Variants in SIMC1 observed in about 807,000 individuals in gnomAD.
SIMC1 encodes the protein SUMO-interacting motif-containing protein 1.
Under a neutral mutation model 82.3 loss-of-function variants are expected in SIMC1, and 55 were observed. The ratio of observed to expected loss-of-function variants is 0.67; its 90% CI spans 0.54 to 0.84. The LOEUF (loss-of-function observed/expected upper bound fraction) is 0.84. Among genes scored for constraint, SIMC1 ranks in the 40% least tolerant of loss-of-function variants. The pLI, the probability that SIMC1 is intolerant of heterozygous loss-of-function variation, is 0.00. For synonymous variants in SIMC1, 353 were observed against 426.3 expected (o/e 0.83, Z 2.12); for missense variants, 915 against 1,107.2 (o/e 0.83, Z 2.46).
Position 176,243,765 on chromosome 5 carries a change from C to T in SIMC1, c.129+5128C>T, listed in dbSNP as rs1315178739. Reference sequence around the variant, plus strand: ...AGATCTCCTGACCTCATGATCCACCCGCCTCGGCCTCCCAAAGTGCTGGGA... The same window carrying T: ...AGATCTCCTGACCTCATGATCCACCTGCCTCGGCCTCCCAAAGTGCTGGGA... On this transcript the variant is annotated intron_variant, in intron 1 of 9. Coordinates refer to ENST00000429602, the MANE Select transcript of SIMC1 (RefSeq NM_001308195.2). 6.6e-5 allele frequency among the ~76,000 whole-genome samples: 10 copies of T among 152,210 alleles called. No individual in the cohort carries two copies. The East Asian group carries it at 1.2e-3, about 18-fold the overall frequency.
At chr5:176,284,067 A>T (rs1763145382) in intron 1 of SIMC1, among the ~76,000 whole-genome samples, 1 of 152,240 alleles carries the variant, frequency 6.6e-6, no homozygotes, top group Admixed American at 6.5e-5. Flanking sequence ...CTCCCACACA[A>T]TAATAATGGG....
chr5:176,255,543 C>T (rs1402202195), intron 1 of SIMC1, among the ~76,000 whole-genome samples: 1 of 149,568 alleles, frequency 6.7e-6, no homozygotes, highest in Non-Finnish European at 1.5e-5. Flanking sequence ...GATCGTGCCA[C>T]TGCACTCCAG....
chr5:176,313,838 A>G lies in SIMC1; in HGVS notation c.1882A>G (p.Asn628Asp), dbSNP rs1220101467. ...GCTTTCCTGTGACAAGCAGCCCCACAATGTCAGGTAAGCAGCCACCTGAGC... is the reference window on the plus strand; with the variant it reads ...GCTTTCCTGTGACAAGCAGCCCCACGATGTCAGGTAAGCAGCCACCTGAGC... ...MVLSCDKQPH[N>D]VRDVIKWLVK... Residue 628 changes from asparagine to aspartate, a missense_variant, in exon 5 of 10, where the codon AAT (asparagine) becomes GAT (aspartate). Asn to Asp is a conservative substitution (Grantham distance 23, BLOSUM62 1). This residue lies in a region of SIMC1 where 902 missense variants were observed against 1,040.3 expected (regional missense o/e 0.87). Transcript: ENST00000429602. 5 of 1,613,384 alleles carry G rather than the reference A, an allele frequency of 3.1e-6. No individual in the cohort carries two copies. The South Asian group carries it at 3.3e-5, about 11-fold the overall frequency.
At chr5:176,274,012 A>G (rs1762567659) in intron 1 of SIMC1, among the ~76,000 whole-genome samples, 1 of 150,128 alleles carries the variant, frequency 6.7e-6, no homozygotes, top group Admixed American at 6.7e-5. Context: ...TCCTTTGGGT[A>G]TATACCCAGT....
At chr5:176,323,856 C>T (rs1243915776) in intron 6 of SIMC1, among the ~76,000 whole-genome samples, 2 of 152,034 alleles carry the variant, frequency 1.3e-5, no homozygotes, top group African/African-American at 4.8e-5. Flanking sequence ...GGCATGGTGG[C>T]GGGCACCTGT....
intron 1 of SIMC1, among the ~76,000 whole-genome samples, chr5:176,264,623 A>G (rs915797388): frequency 6.6e-6 from 1 of 151,538 alleles, no homozygotes; most frequent in African/African-American, 2.4e-5. Context: ...TTTCTTCTGC[A>G]AGTGGTTGCT....
intron 3 of SIMC1, 81 bp from the exon 4 acceptor site, chr5:176,296,170 T>G (rs1763805561): frequency 6.3e-7 from 1 of 1,597,344 alleles, no homozygotes; most frequent in African/African-American, 1.3e-5. Flanking sequence ...GGAAGAGGCT[T>G]CTTCCTTCTA....
chr5:176,328,627 C>T (rs1765495474), intron 7 of SIMC1, among the ~76,000 whole-genome samples: 1 of 151,666 alleles, frequency 6.6e-6, no homozygotes. Flanking sequence ...TAATGGAACA[C>T]TGGGCATAAA....
intron 5 of SIMC1, among the ~76,000 whole-genome samples, chr5:176,316,386 G>T (rs935276001): frequency 5.9e-5 from 9 of 151,810 alleles, no homozygotes; most frequent in Non-Finnish European, 1.2e-4. Flanking sequence ...GGCATTTAAG[G>T]CTGGGCGTGG....
chr5:176,335,031 A>G (rs1765823913), intron 7 of SIMC1, among the ~76,000 whole-genome samples: 2 of 151,478 alleles, frequency 1.3e-5, no homozygotes, highest in African/African-American at 2.4e-5. Flanking sequence ...GTGGGGGTGG[A>G]GGTTGCAGTG....
At chr5:176,304,213 G>GCTTCTTCTCCCTCTCCCT (rs1764171118) in intron 4 of SIMC1, 1 of 149,400 alleles carries the variant, frequency 6.7e-6, no homozygotes, top group Non-Finnish European at 1.5e-5. Flanking sequence ...AAGAACTCCA[G>GCTTCTTCTCCCTCTCCCT]CTCCCTCTCC....
At chr5:176,344,858 A>G (rs573969321) in intron 9 of SIMC1, among the ~76,000 whole-genome samples, 6 of 152,344 alleles carry the variant, frequency 3.9e-5, no homozygotes, top group South Asian at 2.1e-4. Flanking sequence ...GTTAAATACT[A>G]TTGGCTAAAA....
chr5:176,312,303 A>G (rs1651303234), intron 4 of SIMC1, among the ~76,000 whole-genome samples: 1 of 152,266 alleles, frequency 6.6e-6, no homozygotes, highest in Non-Finnish European at 1.5e-5. Context: ...TGGGAGACCG[A>G]TGCAGGTGGA....
chr5:176,342,709 C>G (rs1766203475), intron 9 of SIMC1, among the ~76,000 whole-genome samples: 1 of 152,206 alleles, frequency 6.6e-6, no homozygotes, highest in Non-Finnish European at 1.5e-5. Context: ...TGGTTGCCTC[C>G]TCATCCGTCA....
chr5:176,267,712 G>T (rs1234938564), intron 1 of SIMC1, among the ~76,000 whole-genome samples: 1 of 97,506 alleles, frequency 1.0e-5, no homozygotes, highest in Non-Finnish European at 2.0e-5. Context: ...TAAGTAATTC[G>T]ATAAATTTTC....
intron 5 of SIMC1, among the ~76,000 whole-genome samples, chr5:176,319,518 C>T (rs1765066029): frequency 6.6e-6 from 1 of 151,998 alleles, no homozygotes; most frequent in Non-Finnish European, 1.5e-5. Flanking sequence ...GGAGCAAGCC[C>T]TCATCTCTAA....
intron 1 of SIMC1, among the ~76,000 whole-genome samples, chr5:176,276,472 G>A (rs1171353080): frequency 1.3e-5 from 2 of 148,588 alleles, no homozygotes; most frequent in Admixed American, 6.7e-5. Flanking sequence ...TATACTTTAA[G>A]TTTTAGGGTA....
At chr5:176,344,615 G>A (rs1403345834) in intron 9 of SIMC1, among the ~76,000 whole-genome samples, 3 of 152,116 alleles carry the variant, frequency 2.0e-5, no homozygotes, top group African/African-American at 7.2e-5. Flanking sequence ...AAACACAATC[G>A]TGGCTCAAGG....
chr5:176,253,506 G>A (rs1209721658), intron 1 of SIMC1, among the ~76,000 whole-genome samples: 4 of 152,102 alleles, frequency 2.6e-5, no homozygotes, highest in Non-Finnish European at 5.9e-5. Context: ...GAGCCACTGT[G>A]CCTGGAAATA....
Sources: allele counts gnomAD v4.1 joint callset (sites outside exome capture counted in the v4.1 genomes callset), GRCh38; gene constraint gnomAD v4.1.1; regional missense constraint gnomAD v4.1.1; transcripts MANE v1.5; gene names NCBI Gene and HGNC (gene_info 2026-07-23, HGNC 2026-07-21).